The following ARID1B variants were observed in gnomAD, a reference collection of about 807,000 sequenced individuals.
ARID1B encodes the protein AT-rich interaction domain 1B.
Under a neutral mutation model 212.3 loss-of-function variants are expected in ARID1B, and 30 were observed. The ratio of observed to expected loss-of-function variants is 0.14; its 90% confidence interval spans 0.11 to 0.19. ARID1B has a LOEUF of 0.19. ARID1B is among the 10% of genes least tolerant of loss of function. The pLI, the probability that ARID1B is intolerant of heterozygous loss-of-function variation, is 1.00. For synonymous variants in ARID1B, 1,402 were observed against 1,301.7 expected, an observed-to-expected ratio of 1.08 and a Z score of -1.66; for missense variants, 2,891 against 3,204.0, an observed-to-expected ratio of 0.90 and a Z score of 2.36.
At chr6:157,001,018 AT>A (rs1778883977) in intron 4 of ARID1B, among the ~76,000 whole-genome samples, 1 of 152,150 alleles carries the variant, frequency 6.6e-6, no homozygotes, top group East Asian at 1.9e-4. Flanking sequence ...CTAATAAAGC[AT>A]GCCCAGGTTA....
At chr6:157,012,386 A>C (rs963094893) in intron 4 of ARID1B, among the ~76,000 whole-genome samples, 6 of 152,280 alleles carry the variant, frequency 3.9e-5, no homozygotes, top group Middle Eastern at 3.2e-3. Flanking sequence ...CCGATAAGGC[A>C]GTTATGAGGG....
At chr6:157,127,578 T>G (rs997683363) in intron 6 of ARID1B, among the ~76,000 whole-genome samples, 1 of 151,252 alleles carries the variant, frequency 6.6e-6, no homozygotes, top group Non-Finnish European at 1.5e-5. Context: ...GAGACCATCC[T>G]GGCTAATATG....
intron 9 of ARID1B, chr6:157,173,785 C>CAG (rs1791888238): frequency 4.4e-6 from 2 of 456,686 alleles, no homozygotes; most frequent in Non-Finnish European, 3.9e-6. Context: ...CTTAAGCACA[C>CAG]AGAATGACTG....
At chr6:157,114,834 T>G (rs139428781) in intron 6 of ARID1B, among the ~76,000 whole-genome samples, 1 of 151,972 alleles carries the variant, frequency 6.6e-6, no homozygotes, top group African/African-American at 2.4e-5. Context: ...TCTCTAGAGG[T>G]GCAGTTTTCT....
intron 7 of ARID1B, among the ~76,000 whole-genome samples, chr6:157,144,059 G>A (rs975547610): frequency 7.9e-5 from 12 of 152,344 alleles, no homozygotes; most frequent in African/African-American, 2.4e-4. Flanking sequence ...ACCAGCTGCC[G>A]AACTGGGCAA....
intron 3 of ARID1B, among the ~76,000 whole-genome samples, chr6:156,905,250 G>GCACGCACACACACACACACACA (rs1554265936): frequency 7.0e-6 from 1 of 143,730 alleles, no homozygotes; most frequent in East Asian, 2.0e-4. Flanking sequence ...ACATATGCAC[G>GCACGCACACACACACACACACA]CACACACACA....
At chr6:156,856,459 A>G (rs1784937508) in intron 2 of ARID1B, among the ~76,000 whole-genome samples, 1 of 152,178 alleles carries the variant, frequency 6.6e-6, no homozygotes. Context: ...TACAGATGAT[A>G]AAACTAAGGC....
chr6:156,933,716 G>A lies in ARID1B; in HGVS notation c.2137-1750G>A, dbSNP rs546122773. Among the ~76,000 whole-genome samples the A allele has an allele frequency of 2.0e-5, 3 of 152,188 alleles. No homozygotes were observed. In the South Asian group the frequency reaches 6.2e-4, roughly 32 times the overall value. On this transcript the variant is annotated intron_variant, in intron 3 of 19. Coordinates refer to ENST00000636930, the MANE Select transcript of ARID1B (RefSeq NM_001374828.1). ...TCTTAGAAAAATATGATATGAACTGGGTACATTACTAGTAGAGGTTAAATA... is the reference window on the plus strand; with the variant it reads ...TCTTAGAAAAATATGATATGAACTGAGTACATTACTAGTAGAGGTTAAATA...
intron 4 of ARID1B, among the ~76,000 whole-genome samples, chr6:157,082,572 C>T (rs1784707272): frequency 6.6e-6 from 1 of 152,208 alleles, no homozygotes; most frequent in South Asian, 2.1e-4. Context: ...CTGCATCTCA[C>T]CGTGTCACCT....
At chr6:156,944,036 T>C (rs2128290972) in intron 4 of ARID1B, 1 of 152,314 alleles carries the variant, frequency 6.6e-6, no homozygotes, top group East Asian at 1.9e-4. Context: ...GCAATACACG[T>C]CATTTCTCAG....
chr6:156,793,717 G>T (rs1318570159), intron 1 of ARID1B, among the ~76,000 whole-genome samples: 1 of 152,186 alleles, frequency 6.6e-6, no homozygotes, highest in Admixed American at 6.5e-5. Flanking sequence ...TTCTAGTCAG[G>T]AGTGACTGGC....
intron 4 of ARID1B, among the ~76,000 whole-genome samples, chr6:156,980,135 A>C (rs905866388): frequency 6.6e-6 from 1 of 152,172 alleles, no homozygotes; most frequent in African/African-American, 2.4e-5. Flanking sequence ...ATTTTTTGTA[A>C]TGCTTAGATC....
rs1003131791 is a variant in ARID1B, at chr6:157,039,322, C to CTT, written c.2248-45322_2248-45321dup. On this transcript the variant is annotated intron_variant, in intron 4 of 19. Transcript: ENST00000636930. ...ATTAAAAATGGGAAATTTGACATTT[C>CTT]TTTTTTTTTTTTTTTTTTTGAGACG... Among the ~76,000 whole-genome samples the CTT allele has an allele frequency of 2.1e-3, 215 of 102,948 alleles. 24 individuals carry two copies. The highest frequency in any genetic ancestry group is 6.8e-3 in the South Asian group (25 of 3,662). 67.5% of individuals were successfully genotyped at this position (102,948 alleles called of 152,430 possible). A position where few individuals can be genotyped will look rare whatever the true frequency, so the allele number is the denominator to read the frequency against.
intron 4 of ARID1B, among the ~76,000 whole-genome samples, chr6:157,056,808 A>AT (rs564116099): frequency 1.5e-3 from 223 of 146,248 alleles, no homozygotes; most frequent in African/African-American, 3.8e-3. Context: ...ATTTTGTTTA[A>AT]TTTTTTTTTT....
intron 7 of ARID1B, among the ~76,000 whole-genome samples, chr6:157,142,737 C>T (rs574588697): frequency 2.6e-5 from 4 of 152,220 alleles, no homozygotes; most frequent in South Asian, 2.1e-4. Flanking sequence ...CATATTTAGC[C>T]CTAATTCACA....
intron 8 of ARID1B, among the ~76,000 whole-genome samples, chr6:157,157,289 G>A (rs934585404): frequency 3.9e-5 from 6 of 152,178 alleles, no homozygotes; most frequent in East Asian, 3.9e-4. Flanking sequence ...TCCTGGGATC[G>A]TCACAGCGAG....
At chr6:156,844,438 ACTTT>A (rs1238939587) in intron 2 of ARID1B, among the ~76,000 whole-genome samples, 1 of 152,208 alleles carries the variant, frequency 6.6e-6, no homozygotes, top group Non-Finnish European at 1.5e-5. Flanking sequence ...TATTAACCTT[ACTTT>A]CTTCTGTATC....
chr6:156,882,564 T>C (rs1457160981), intron 2 of ARID1B, among the ~76,000 whole-genome samples: 1 of 152,164 alleles, frequency 6.6e-6, no homozygotes, highest in Non-Finnish European at 1.5e-5. Flanking sequence ...TGCCTTGCCT[T>C]TTTCTTTCAT....
At chr6:157,180,929 C>G (rs767346604) in intron 11 of ARID1B, 40 bp from the exon 12 acceptor site, 1 of 1,571,374 alleles carries the variant, frequency 6.4e-7, no homozygotes, top group Admixed American at 1.7e-5. Flanking sequence ...TCCCTCTGCC[C>G]ACCCATGCCC....
Sources: gnomAD v4.1 joint callset for allele counts (sites outside exome capture counted in the v4.1 genomes callset) on GRCh38, gnomAD v4.1.1 for gene constraint, MANE v1.5 for transcripts, NCBI Gene and HGNC (gene_info 2026-07-23, HGNC 2026-07-21) for gene names.